Variants in DCBLD2 observed in about 807,000 individuals in gnomAD.
The protein encoded by DCBLD2 is discoidin, CUB and LCCL domain containing 2, also known as discoidin, CUB and LCCL domain-containing protein 2.
DCBLD2 carries 54 observed loss-of-function variants against 86.8 expected under a neutral mutation model. That is an observed-to-expected ratio of 0.62 (90% CI 0.50 to 0.78). DCBLD2 has a LOEUF of 0.78. Among genes scored for constraint, DCBLD2 ranks in the 30% least tolerant of loss-of-function variants. The probability of loss-of-function intolerance (pLI) is 0.00; values close to 1 mark genes in which losing one functional copy is unlikely to be tolerated. For missense variants in DCBLD2, 908 were observed against 954.2 expected, an observed-to-expected ratio of 0.95 and a Z score of 0.64; for synonymous variants, 354 against 341.3, an observed-to-expected ratio of 1.04 and a Z score of -0.41.
At chr3:98,807,042 T>A (rs1475511461) in intron 13 of DCBLD2, among the ~76,000 whole-genome samples, 1 of 152,162 alleles carries the variant, frequency 6.6e-6, no homozygotes, top group African/African-American at 2.4e-5. Context: ...TCTGACAATA[T>A]CACCTCTTTG....
intron 2 of DCBLD2, among the ~76,000 whole-genome samples, chr3:98,870,572 C>A (rs1319482309): frequency 1.4e-5 from 2 of 148,006 alleles, no homozygotes; most frequent in African/African-American, 5.0e-5. Context: ...CAAGATTGCA[C>A]AACTGCACTC....
At position 98,825,181 on chromosome 3, in the gene DCBLD2, T is replaced by C. The variant is rs143024497; in HGVS notation, c.623+134A>G. ...TATGCTTTAAGTAAGCTCTAATTTATTGAAGTCTCGGAACAATGATATGTA... is the reference window on the plus strand; with the variant it reads ...TATGCTTTAAGTAAGCTCTAATTTACTGAAGTCTCGGAACAATGATATGTA... On this transcript the variant is annotated intron_variant, in intron 4 of 15. Transcript: ENST00000326840. The C allele has an allele frequency of 2.8e-3, 1,770 of 632,804 alleles. 23 individuals carry two copies. In the African/African-American group the frequency reaches 0.031, roughly 11 times the overall value. The allele number at this position is 632,804 out of a possible 1,614,324, so 39.2% of individuals were successfully genotyped here. A position where few individuals can be genotyped will look rare whatever the true frequency, so the allele number is the denominator to read the frequency against.
intron 1 of DCBLD2, among the ~76,000 whole-genome samples, chr3:98,899,949 A>G (rs1410410836): frequency 6.6e-6 from 1 of 152,174 alleles, no homozygotes; most frequent in Non-Finnish European, 1.5e-5. Context: ...ACACTTTAAT[A>G]TATTAAATGA....
Position 98,811,291 on chromosome 3 carries a change from T to G in DCBLD2, c.1479A>C (p.Leu493=), listed in dbSNP as rs745325221. The G allele has an allele frequency of 6.2e-7, 1 of 1,612,914 alleles. No homozygotes were observed. Among genetic ancestry groups the G allele is most frequent in the Admixed American group, 1.7e-5 (1 of 59,842 alleles). Residue 493 remains leucine (L), a synonymous_variant, in exon 12 of 16, where the codon CTA becomes CTC. Coordinates refer to ENST00000326840, the MANE Select transcript of DCBLD2 (RefSeq NM_080927.4). ...KGRAPKFTQP[L]QPRSSNEFPA... ...GAAATTCATTGCTACTGCGAGGTTGTAGTGGTTGCGTAAATTTTGGGGCAC... is the reference window on the plus strand; with the variant it reads ...GAAATTCATTGCTACTGCGAGGTTGGAGTGGTTGCGTAAATTTTGGGGCAC...
At chr3:98,846,986 C>CA (rs1942738034) in intron 3 of DCBLD2, among the ~76,000 whole-genome samples, 1 of 152,014 alleles carries the variant, frequency 6.6e-6, no homozygotes, top group African/African-American at 2.4e-5. Context: ...TATTAAGAAA[C>CA]TTAATGAAAA....
chr3:98,834,980 T>TTA (rs1553726259), intron 3 of DCBLD2, among the ~76,000 whole-genome samples: 5,999 of 145,892 alleles, frequency 0.041, no homozygotes, highest in Non-Finnish European at 0.062. Flanking sequence ...CTTTTTTTTT[T>TTA]TTATTTTTTT....
At chr3:98,862,797 T>C (rs996267374) in intron 2 of DCBLD2, among the ~76,000 whole-genome samples, 2 of 152,196 alleles carry the variant, frequency 1.3e-5, no homozygotes, top group African/African-American at 4.8e-5. Context: ...AGCATTCCCT[T>C]TGAAAACTGG....
chr3:98,812,029 T>C (rs1371628679), intron 10 of DCBLD2, among the ~76,000 whole-genome samples: 1 of 152,222 alleles, frequency 6.6e-6, no homozygotes, highest in African/African-American at 2.4e-5. Context: ...GTTAAACAAA[T>C]ATTACAGTAC....
At chr3:98,846,607 A>C (rs1942728753) in intron 3 of DCBLD2, among the ~76,000 whole-genome samples, 2 of 152,244 alleles carry the variant, frequency 1.3e-5, no homozygotes, top group Admixed American at 6.5e-5. Flanking sequence ...AGGAGCTGTT[A>C]AATGAGATTT....
chr3:98,803,587 T>C (rs1162337072), intron 13 of DCBLD2, among the ~76,000 whole-genome samples: 1 of 152,210 alleles, frequency 6.6e-6, no homozygotes, highest in Non-Finnish European at 1.5e-5. Context: ...CTATATTGAA[T>C]AGGAGTGGTG....
chr3:98,857,850 C>T (rs1449992625), intron 2 of DCBLD2, among the ~76,000 whole-genome samples: 2 of 152,264 alleles, frequency 1.3e-5, no homozygotes, highest in Non-Finnish European at 2.9e-5. Flanking sequence ...TTTACAATCC[C>T]TTAGCTAGAC....
chr3:98,807,845 T>A (rs1165777471), intron 13 of DCBLD2: 1 of 272,280 alleles, frequency 3.7e-6, no homozygotes, highest in Non-Finnish European at 6.9e-6. Flanking sequence ...ATTGTTCATA[T>A]TAATGTACAT....
intron 3 of DCBLD2, among the ~76,000 whole-genome samples, chr3:98,839,117 C>CT (rs758970392): frequency 9.2e-6 from 1 of 108,968 alleles, no homozygotes; most frequent in African/African-American, 3.0e-5. Flanking sequence ...TTCTTTCTTT[C>CT]TTTTTCTTTC....
intron 2 of DCBLD2, among the ~76,000 whole-genome samples, chr3:98,870,806 A>AAAGAAAGAAAGAAAAGAAAGG (rs1559794673): frequency 8.1e-6 from 1 of 123,300 alleles, no homozygotes; most frequent in Non-Finnish European, 1.7e-5. Context: ...AGAAAGAAAG[A>AAAGAAAGAAAGAAAAGAAAGG]AAGAAAGGTA....
At chr3:98,855,265 T>C (rs534685493) in intron 2 of DCBLD2, among the ~76,000 whole-genome samples, 1 of 152,218 alleles carries the variant, frequency 6.6e-6, no homozygotes, top group Non-Finnish European at 1.5e-5. Context: ...ATCAAGGAAA[T>C]ACAAAGCAAA....
Position 98,822,663 on chromosome 3 carries a change from G to A in DCBLD2, c.696+6C>T, listed in dbSNP as rs1408571416. 6.4e-7 allele frequency: 1 copy of A among 1,574,718 alleles called. No homozygotes were observed. The highest frequency in any genetic ancestry group is 8.6e-7 in the Non-Finnish European group (1 of 1,160,408). On this transcript the variant is annotated splice_donor_region_variant and intron_variant, in intron 5 of 15. Coordinates refer to ENST00000326840, the MANE Select transcript of DCBLD2 (RefSeq NM_080927.4). The stretch of plus-strand genomic sequence containing the variant: ...CAATTTTCAAATAAGTTTATATCTG[G>A]CTTACATCTCTATATCCATGAGGAA...
At chr3:98,865,472 C>T (rs1220788362) in intron 2 of DCBLD2, among the ~76,000 whole-genome samples, 1 of 152,040 alleles carries the variant, frequency 6.6e-6, no homozygotes, top group Non-Finnish European at 1.5e-5. Context: ...GAGGGATGAG[C>T]TGGAGAGATG....
At chr3:98,838,073 GCA>G (rs1942513026) in intron 3 of DCBLD2, among the ~76,000 whole-genome samples, 1 of 136,156 alleles carries the variant, frequency 7.3e-6, no homozygotes. Context: ...CTCCCGGACG[GCA>G]CGGCTGGCCA....
chr3:98,806,994 A>G (rs1376212005), intron 13 of DCBLD2, among the ~76,000 whole-genome samples: 3 of 152,034 alleles, frequency 2.0e-5, no homozygotes, highest in Non-Finnish European at 4.4e-5. Context: ...CTCCTCTTCA[A>G]TCTACCCTTC....
Sources: gnomAD v4.1 joint callset for allele counts (sites outside exome capture counted in the v4.1 genomes callset) on GRCh38, gnomAD v4.1.1 for gene constraint, MANE v1.5 for transcripts, NCBI Gene and HGNC (gene_info 2026-07-23, HGNC 2026-07-21) for gene names.